Variants in SORCS2 observed in about 807,000 individuals in gnomAD.
The protein encoded by SORCS2 is VPS10 domain-containing receptor SorCS2.
SORCS2 carries 100 observed loss-of-function variants against 141.6 expected under a neutral mutation model. The observed-to-expected ratio is 0.71, with a 90% CI of 0.60 to 0.83. The LOEUF (loss-of-function observed/expected upper bound fraction) is 0.83, where lower values mean the gene tolerates loss of function less well. Among genes scored for constraint, SORCS2 ranks in the 40% least tolerant of loss-of-function variants. The probability of loss-of-function intolerance (pLI) is 0.00; values close to 1 mark genes in which losing one functional copy is unlikely to be tolerated. For synonymous variants in SORCS2, 789 were observed against 676.9 expected (o/e 1.17, Z -2.57); for missense variants, 1,646 against 1,560.2 (o/e 1.05, Z -0.93).
chr4:7,193,786 C>T lies in SORCS2; in HGVS notation c.480+660C>T, dbSNP rs1200219033. Among the ~76,000 whole-genome samples the T allele has an allele frequency of 1.3e-5, 2 of 152,154 alleles. No homozygotes were observed. Among genetic ancestry groups the T allele is most frequent in the Admixed American group, 6.5e-5 (1 of 15,272 alleles). On this transcript the variant is annotated intron_variant, in intron 1 of 26. Coordinates refer to ENST00000507866, the MANE Select transcript of SORCS2 (RefSeq NM_020777.3). The surrounding 1 kb of genome is among the most constrained non-coding windows in gnomAD (Gnocchi z 4.8). ...CACACTGTGCTGGAGACCTGTGTGG[C>T]GCTGGCACAGCAAACTCCCTGCCCT...
chr4:7,280,516 AT>A (rs1334663383), intron 1 of SORCS2, among the ~76,000 whole-genome samples: 1 of 152,204 alleles, frequency 6.6e-6, no homozygotes, highest in Non-Finnish European at 1.5e-5. Context: ...TAACCCCATC[AT>A]CGTTCGCTCA....
At chr4:7,660,663 A>G (rs1312713541) in intron 5 of SORCS2, among the ~76,000 whole-genome samples, 2 of 152,166 alleles carry the variant, frequency 1.3e-5, no homozygotes, top group Middle Eastern at 3.2e-3. Context: ...GGTCTGAGCC[A>G]TGTTGCCTCA....
At chr4:7,380,810 G>A (rs1206787360) in intron 1 of SORCS2, among the ~76,000 whole-genome samples, 1 of 152,252 alleles carries the variant, frequency 6.6e-6, no homozygotes, top group Non-Finnish European at 1.5e-5. Context: ...GGTTAATTAG[G>A]TGCGGTGGCT....
At chr4:7,499,835 C>G (rs559688023) in intron 2 of SORCS2, among the ~76,000 whole-genome samples, 7 of 152,152 alleles carry the variant, frequency 4.6e-5, no homozygotes, top group Admixed American at 2.6e-4. Flanking sequence ...AATCGGGGAC[C>G]GAGCCGGCAC....
chr4:7,434,146 T>G, intron 2 of SORCS2: 2 of 1,613,842 alleles, frequency 1.2e-6, no homozygotes, highest in Non-Finnish European at 1.7e-6. Flanking sequence ...GCAGAGCTCC[T>G]GCGGGGGGAG....
At chr4:7,562,230 A>C (rs900050796) in intron 3 of SORCS2, among the ~76,000 whole-genome samples, 2 of 152,152 alleles carry the variant, frequency 1.3e-5, no homozygotes, top group East Asian at 3.9e-4. Flanking sequence ...GTAGTGTCAC[A>C]ATGTGCTCGA....
intron 11 of SORCS2, among the ~76,000 whole-genome samples, chr4:7,696,063 C>T (rs957245601): frequency 4.6e-5 from 7 of 152,160 alleles, no homozygotes; most frequent in Non-Finnish European, 7.4e-5. Context: ...GGCACACAAA[C>T]ACCCTGCCAC....
chr4:7,374,491 C>T (rs922192144), intron 1 of SORCS2, among the ~76,000 whole-genome samples: 5 of 152,188 alleles, frequency 3.3e-5, no homozygotes, highest in African/African-American at 7.2e-5. Flanking sequence ...AGCCCTGGGA[C>T]GTTCCCCAGA....
intron 1 of SORCS2, among the ~76,000 whole-genome samples, chr4:7,243,474 G>A (rs905191977): frequency 6.6e-6 from 1 of 152,132 alleles, no homozygotes. Context: ...TGAGGGAAAG[G>A]TGCGGGGAGT....
chr4:7,450,496 A>C (rs868773611), intron 2 of SORCS2, among the ~76,000 whole-genome samples: 18 of 152,302 alleles, frequency 1.2e-4, no homozygotes, highest in Middle Eastern at 3.4e-3. Flanking sequence ...CCCACATGCC[A>C]ATGCCCCCAT....
intron 3 of SORCS2, among the ~76,000 whole-genome samples, chr4:7,586,920 T>C (rs926741738): frequency 6.6e-6 from 1 of 152,006 alleles, no homozygotes; most frequent in Non-Finnish European, 1.5e-5. Context: ...TTTCACTGAG[T>C]CTTTGGGTTA....
At chr4:7,420,667 C>T (rs1725980790) in intron 2 of SORCS2, among the ~76,000 whole-genome samples, 1 of 152,146 alleles carries the variant, frequency 6.6e-6, no homozygotes, top group Non-Finnish European at 1.5e-5. Context: ...GAGCCCATTG[C>T]CTCCCCTGAG....
chr4:7,372,958 A>G (rs1256453358), intron 1 of SORCS2, among the ~76,000 whole-genome samples: 1 of 147,366 alleles, frequency 6.8e-6, no homozygotes, highest in Non-Finnish European at 1.5e-5. Context: ...AATGAGGCAC[A>G]GTTTGCTGCT....
At chr4:7,472,528 C>T (rs1159798513) in intron 2 of SORCS2, among the ~76,000 whole-genome samples, 1 of 152,030 alleles carries the variant, frequency 6.6e-6, no homozygotes, top group Non-Finnish European at 1.5e-5. Flanking sequence ...GGCTTTGACG[C>T]CTGAATGCAC....
chr4:7,379,880 T>A (rs556268768), intron 1 of SORCS2, among the ~76,000 whole-genome samples: 2 of 152,366 alleles, frequency 1.3e-5, no homozygotes, highest in East Asian at 1.9e-4. Flanking sequence ...ATGCTATTTT[T>A]AAAATACTTT....
chr4:7,681,401 C>T (rs148223579), intron 9 of SORCS2, among the ~76,000 whole-genome samples: 168 of 152,248 alleles, frequency 1.1e-3, no homozygotes, highest in African/African-American at 3.7e-3. Context: ...GGTGGAAACA[C>T]GGTCAGAGAG....
At chr4:7,578,355 A>C (rs1715910287) in intron 3 of SORCS2, among the ~76,000 whole-genome samples, 1 of 152,216 alleles carries the variant, frequency 6.6e-6, no homozygotes, top group Non-Finnish European at 1.5e-5. Context: ...TTATGGCAAC[A>C]CAAAATGGAC....
intron 16 of SORCS2, among the ~76,000 whole-genome samples, chr4:7,714,645 C>G (rs1365161774): frequency 2.0e-5 from 3 of 152,228 alleles, no homozygotes; most frequent in Non-Finnish European, 2.9e-5. Context: ...AAGTGAGGAA[C>G]AGGTCAGGGC....
rs141324873 is a variant in SORCS2, at chr4:7,693,103, A to G, written c.1591+3515A>G. Among the ~76,000 whole-genome samples, 351 of 152,318 alleles carry G rather than the reference A, an allele frequency of 2.3e-3. 4 individuals carry two copies. Among genetic ancestry groups the G allele is most frequent in the African/African-American group, 7.7e-3 (321 of 41,576 alleles). Reference sequence around the variant, plus strand: ...GGTTCTTCCCGACTGGGCGTGTTGCAGGACTGAACGGCTGGCTCCCTTCTG... The same window carrying G: ...GGTTCTTCCCGACTGGGCGTGTTGCGGGACTGAACGGCTGGCTCCCTTCTG... On this transcript the variant is annotated intron_variant, in intron 11 of 26. Transcript: ENST00000507866.
Sources: allele counts gnomAD v4.1 joint callset (sites outside exome capture counted in the v4.1 genomes callset), GRCh38; gene constraint gnomAD v4.1.1; non-coding constraint Gnocchi (gnomAD v3.1); transcripts MANE v1.5; gene names NCBI Gene and HGNC (gene_info 2026-07-23, HGNC 2026-07-21).